The following LAMC3 variants were observed in gnomAD, a reference collection of about 807,000 sequenced individuals.
LAMC3 encodes the protein laminin subunit gamma-3.
In LAMC3, 128 loss-of-function variants were observed where a neutral mutation model predicts 173.8. That is an observed-to-expected ratio of 0.74 (90% CI 0.64 to 0.85). LAMC3 has a LOEUF of 0.85. LAMC3 is among the 40% of genes least tolerant of loss of function. The pLI is 0.00. For synonymous variants in LAMC3, 897 were observed against 909.1 expected, an observed-to-expected ratio of 0.99 and a Z score of 0.24; for missense variants, 2,022 against 2,156.0, an observed-to-expected ratio of 0.94 and a Z score of 1.23.
At chr9:131,021,191 C>T (rs998377674) in intron 1 of LAMC3, 6 of 152,170 alleles carry the variant, frequency 3.9e-5, no homozygotes, top group Non-Finnish European at 7.3e-5. Context: ...TATTCAATCT[C>T]GGCTGCCACA....
chr9:131,046,879 G>T (rs927429042), intron 8 of LAMC3, among the ~76,000 whole-genome samples: 2 of 139,590 alleles, frequency 1.4e-5, no homozygotes, highest in Non-Finnish European at 3.2e-5. Context: ...GCCGACGCTG[G>T]GGCGGCCCCA....
intron 12 of LAMC3, among the ~76,000 whole-genome samples, chr9:131,060,815 A>G (rs72768512): frequency 2.6e-5 from 4 of 152,278 alleles, no homozygotes; most frequent in Non-Finnish European, 2.9e-5. Flanking sequence ...TGGGGGCATC[A>G]GACAACTTGC....
chr9:131,032,534 GTCTC>G (rs1160211297), intron 3 of LAMC3, among the ~76,000 whole-genome samples: 8 of 58,852 alleles, frequency 1.4e-4, no homozygotes, highest in Non-Finnish European at 2.2e-4. Context: ...CTCTCTCGCT[GTCTC>G]TCTCTCTTGC....
At chr9:131,031,802 A>G (rs1833829041) in intron 2 of LAMC3, among the ~76,000 whole-genome samples, 1 of 152,210 alleles carries the variant, frequency 6.6e-6, no homozygotes, top group Non-Finnish European at 1.5e-5. Context: ...CACAGATGGG[A>G]AAATGGAGGC....
intron 3 of LAMC3, among the ~76,000 whole-genome samples, chr9:131,033,674 G>T (rs1833889754): frequency 6.6e-6 from 1 of 152,160 alleles, no homozygotes. Flanking sequence ...GCAGATAGGA[G>T]GAGAGAGGAA....
chr9:131,059,884 G>A (rs569721410), intron 12 of LAMC3, among the ~76,000 whole-genome samples: 2 of 152,354 alleles, frequency 1.3e-5, no homozygotes, highest in South Asian at 4.1e-4. Flanking sequence ...GCCCTGCTAT[G>A]CATGAGCGAC....
At chr9:131,044,233 C>G (rs1834107669) in intron 7 of LAMC3, among the ~76,000 whole-genome samples, 1 of 151,430 alleles carries the variant, frequency 6.6e-6, no homozygotes, top group East Asian at 2.0e-4. Flanking sequence ...GTGAGCCGGC[C>G]AGGCGCGGTG....
intron 3 of LAMC3, among the ~76,000 whole-genome samples, chr9:131,032,866 C>A (rs1833869331): frequency 6.6e-6 from 1 of 152,168 alleles, no homozygotes; most frequent in African/African-American, 2.4e-5. Context: ...TGGGGTTTCT[C>A]CATGTTGGTC....
chr9:131,054,519 T>C (rs755771425), intron 11 of LAMC3, among the ~76,000 whole-genome samples: 3 of 152,148 alleles, frequency 2.0e-5, no homozygotes, highest in South Asian at 2.1e-4. Flanking sequence ...TTTGGGAGGC[T>C]GAGGCGGGCG....
At chr9:131,022,092 C>A (rs1833635678) in intron 1 of LAMC3, among the ~76,000 whole-genome samples, 1 of 152,120 alleles carries the variant, frequency 6.6e-6, no homozygotes. Context: ...GGTGGGGGAA[C>A]TTTAGAGTGA....
chr9:131,034,570 G>A (rs188219068), intron 3 of LAMC3, among the ~76,000 whole-genome samples: 94 of 152,334 alleles, frequency 6.2e-4, no homozygotes, highest in African/African-American at 2.2e-3. Context: ...CGATGAGGAC[G>A]GGCTTCAGCT....
intron 6 of LAMC3, among the ~76,000 whole-genome samples, chr9:131,040,467 G>A (rs2050465): frequency 2.0e-5 from 3 of 151,944 alleles, no homozygotes; most frequent in Admixed American, 1.3e-4. Context: ...GTGAGTCACC[G>A]CGCCTGGCCC....
At chr9:131,011,671 AG>A (rs1833417021) in intron 1 of LAMC3, among the ~76,000 whole-genome samples, 1 of 22,528 alleles carries the variant, frequency 4.4e-5, no homozygotes, top group South Asian at 1.5e-3. Context: ...GCCAGTGGGG[AG>A]GGGGGAGGCT....
intron 27 of LAMC3, among the ~76,000 whole-genome samples, chr9:131,091,085 G>A (rs1228724807): frequency 6.6e-6 from 1 of 152,228 alleles, no homozygotes; most frequent in East Asian, 1.9e-4. Flanking sequence ...GCATGGTGGT[G>A]TGGGCCTGTG....
chr9:131,089,193 G>A (rs1178542444), intron 27 of LAMC3, among the ~76,000 whole-genome samples: 2 of 101,492 alleles, frequency 2.0e-5, no homozygotes, highest in Non-Finnish European at 3.6e-5. Context: ...GGGGAGGGGG[G>A]AGGGATAGCA....
chr9:131,018,558 G>A lies in LAMC3; in HGVS notation c.374-7727G>A, dbSNP rs575039650. The stretch of plus-strand genomic sequence containing the variant: ...CAGCTGTGTTCCTATCAGGAAAGCC[G>A]AGCCAAGATGTCATCCTTGACTGTT... On this transcript the variant is annotated intron_variant, in intron 1 of 27. Transcript: ENST00000361069. Among the ~76,000 whole-genome samples the A allele has an allele frequency of 4.6e-5, 7 of 152,280 alleles. No individual in the cohort carries two copies. The East Asian group carries it at 5.8e-4, about 13-fold the overall frequency.
chr9:131,032,647 T>G (rs1244914181), intron 3 of LAMC3, among the ~76,000 whole-genome samples: 1 of 148,876 alleles, frequency 6.7e-6, no homozygotes, highest in East Asian at 2.0e-4. Context: ...TCTCTCGCTC[T>G]CACTCACTCT....
chr9:131,059,346 G>T (rs1291942792), intron 12 of LAMC3, among the ~76,000 whole-genome samples: 1 of 151,192 alleles, frequency 6.6e-6, no homozygotes, highest in Non-Finnish European at 1.5e-5. Flanking sequence ...CAAAAAATTA[G>T]CCAGGCGTGG....
At chr9:131,052,726 G>A (rs929756387) in intron 10 of LAMC3, 43 bp downstream of exon 10, 1 of 1,572,236 alleles carries the variant, frequency 6.4e-7, no homozygotes, top group Non-Finnish European at 8.7e-7. Context: ...AGGTGAGAGG[G>A]GTGGTCTCTG....
Sources: allele counts gnomAD v4.1 joint callset (sites outside exome capture counted in the v4.1 genomes callset), GRCh38; gene constraint gnomAD v4.1.1; transcripts MANE v1.5; gene names NCBI Gene and HGNC (gene_info 2026-07-23, HGNC 2026-07-21).